The following OR1L8 variants were observed in gnomAD, a reference collection of about 807,000 sequenced individuals.
OR1L8 encodes the protein olfactory receptor 1L8.
For missense variants in OR1L8, 330 were observed against 377.4 expected, an observed-to-expected ratio of 0.87 and a Z score of 1.04; for synonymous variants, 148 against 147.0, an observed-to-expected ratio of 1.01 and a Z score of -0.05.
intron 1 of OR1L8, among the ~76,000 whole-genome samples, chr9:122,581,912 AAAATAAAT>A (rs544952192): frequency 6.6e-6 from 1 of 152,074 alleles, no homozygotes; most frequent in Non-Finnish European, 1.5e-5. Context: ...ACTCCATCTC[AAAATAAAT>A]AAATAAATAA....
In OR1L8 at chr9:122,568,390, CAA is replaced by C. The variant is rs747257733; in HGVS notation, c.86_87del (p.Phe29CysfsTer42). Reference protein sequence around the residue: ...SSRPEDQKTLFVLFLIVYLVT... With the variant: ...SSRPEDQKTLXVLFLIVYLVT... The stretch of plus-strand genomic sequence containing the variant: ...ACCAGGTACACGATGAGGAAGAGAA[CAA>C]AGAGTGTCTTTTGGTCCTCAGGCCG... On this transcript the variant is annotated frameshift_variant, in exon 5 of 5. Coordinates refer to ENST00000641027, the MANE Select transcript of OR1L8 (RefSeq NM_001004454.2). LOFTEE classifies it low-confidence loss of function (END_TRUNC). The C allele has an allele frequency of 6.2e-7, 1 of 1,613,774 alleles. No homozygotes were observed. The highest frequency in any genetic ancestry group is 8.5e-7 in the Non-Finnish European group (1 of 1,179,750).
chr9:122,553,418 G>T, the OR1L8 span: 1 of 1,614,142 alleles, frequency 6.2e-7, no homozygotes, highest in Non-Finnish European at 8.5e-7. Flanking sequence ...TGGCCAACCT[G>T]TCATTAACTG....
chr9:122,564,234 G>A (rs1578425), downstream of OR1L8, among the ~76,000 whole-genome samples: 37,183 of 151,994 alleles, frequency 0.24, 4,910 homozygotes, highest in Middle Eastern at 0.35. Context: ...TCCAACTTAC[G>A]GTGTGTCCAC....
At chr9:122,559,599 G>A in the OR1L8 span, among the ~76,000 whole-genome samples, 1 of 152,136 alleles carries the variant, frequency 6.6e-6, no homozygotes, top group Non-Finnish European at 1.5e-5. Flanking sequence ...AGTCATTCAG[G>A]AGTAGGTTGT....
At chr9:122,557,552 A>T in the OR1L8 span, among the ~76,000 whole-genome samples, 1 of 152,026 alleles carries the variant, frequency 6.6e-6, no homozygotes. Context: ...TCCTGAGATA[A>T]ATCCCACTTG....
At chr9:122,553,383 C>A in the OR1L8 span, 1 of 1,614,154 alleles carries the variant, frequency 6.2e-7, no homozygotes, top group Non-Finnish European at 8.5e-7. Flanking sequence ...TGACCCACAC[C>A]TCCATACTCC....
At chr9:122,554,328 G>A in the OR1L8 span, 8 of 594,096 alleles carry the variant, frequency 1.3e-5, no homozygotes, top group East Asian at 2.9e-5. Context: ...TTATTAGGCT[G>A]TGGAATGAGA....
the OR1L8 span, chr9:122,553,055 A>G: frequency 1.3e-6 from 1 of 747,292 alleles, no homozygotes; most frequent in Non-Finnish European, 2.3e-6. Flanking sequence ...TCCCAGTGAG[A>G]TTCAGAGATT....
At chr9:122,575,903 C>G (rs954626322) in intron 3 of OR1L8, among the ~76,000 whole-genome samples, 3 of 152,168 alleles carry the variant, frequency 2.0e-5, no homozygotes, top group African/African-American at 7.2e-5. Context: ...TGTCCCTCCC[C>G]CTACCTGTAG....
intron 1 of OR1L8, among the ~76,000 whole-genome samples, chr9:122,579,761 A>G (rs17279097): frequency 0.19 from 29,282 of 151,832 alleles, 3,439 homozygotes; most frequent in Middle Eastern, 0.27. Flanking sequence ...TAGGGAAGAA[A>G]AAATTGTCAT....
chr9:122,570,419 T>G (rs1291864651), intron 4 of OR1L8, among the ~76,000 whole-genome samples: 4 of 152,246 alleles, frequency 2.6e-5, no homozygotes, highest in Non-Finnish European at 5.9e-5. Context: ...TTCACATATT[T>G]TTAAATGTTG....
chr9:122,574,453 A>T (rs1468307783), intron 3 of OR1L8, among the ~76,000 whole-genome samples: 1 of 152,086 alleles, frequency 6.6e-6, no homozygotes, highest in African/African-American at 2.4e-5. Context: ...GGGGGTGCTA[A>T]TGTAAATGAT....
chr9:122,546,460 G>A, the OR1L8 span, among the ~76,000 whole-genome samples: 2 of 152,168 alleles, frequency 1.3e-5, no homozygotes, highest in South Asian at 2.1e-4. Flanking sequence ...TGCTCGCACG[G>A]TGCTTGCTTT....
the OR1L8 span, among the ~76,000 whole-genome samples, chr9:122,556,323 A>G: frequency 3.4e-5 from 5 of 147,860 alleles, no homozygotes; most frequent in African/African-American, 1.2e-4. Context: ...TTTCAGCACT[A>G]TTTGTTGAAG....
At chr9:122,561,530 C>T in the OR1L8 span, among the ~76,000 whole-genome samples, 5 of 151,990 alleles carry the variant, frequency 3.3e-5, no homozygotes, top group Non-Finnish European at 7.4e-5. Flanking sequence ...TTTGTGGGGA[C>T]GTTTTTTGTT....
In OR1L8 at chr9:122,568,158, G is replaced by T. The variant is rs754714208; in HGVS notation, c.320C>A (p.Ala107Asp). The change falls in exon 5 of 5, where the codon GCC becomes GAC. Residue 107 changes from alanine (A) to aspartate (D), a missense_variant. By Grantham distance (126) the Ala-to-Asp change is moderately radical. Coordinates refer to ENST00000641027, the MANE Select transcript of OR1L8 (RefSeq NM_001004454.2). ...GCLTQMYFLYALGNSDSCLLA... is the reference protein window; with the variant it reads ...GCLTQMYFLYDLGNSDSCLLA... ...AAGGCAGCTGTCACTGTTGCCCAAG[G>T]CATAGAGAAAATACATCTGTGTCAG... The T allele has an allele frequency of 4.3e-6, 7 of 1,614,148 alleles. No homozygotes were observed. The highest frequency in any genetic ancestry group is 5.9e-6 in the Non-Finnish European group (7 of 1,180,002).
chr9:122,577,129 T>A (rs35407786), intron 2 of OR1L8, among the ~76,000 whole-genome samples: 16,721 of 152,268 alleles, frequency 0.11, 1,109 homozygotes, highest in South Asian at 0.18. Flanking sequence ...GGAAATAAAT[T>A]GACAGCATGT....
At chr9:122,559,785 G>A in the OR1L8 span, among the ~76,000 whole-genome samples, 1 of 152,220 alleles carries the variant, frequency 6.6e-6, no homozygotes, top group African/African-American at 2.4e-5. Flanking sequence ...GCACTGAGAA[G>A]AATGTATATT....
chr9:122,582,126 A>C (rs1361137683), intron 1 of OR1L8, among the ~76,000 whole-genome samples: 1 of 152,134 alleles, frequency 6.6e-6, no homozygotes, highest in African/African-American at 2.4e-5. Context: ...TGGAGATAGC[A>C]AGAAAAAGCA....
Sources: gnomAD v4.1 joint callset for allele counts (sites outside exome capture counted in the v4.1 genomes callset) on GRCh38, gnomAD v4.1.1 for gene constraint, MANE v1.5 for transcripts, NCBI Gene and HGNC (gene_info 2026-07-23, HGNC 2026-07-21) for gene names.